Variants in ERG observed in about 807,000 individuals in gnomAD.
The protein encoded by ERG is transcriptional regulator ERG.
A neutral mutation model predicts 55.3 loss-of-function variants in ERG; 9 were observed. That is an observed-to-expected ratio of 0.16 (90% CI 0.10 to 0.28). The LOEUF (loss-of-function observed/expected upper bound fraction) is 0.28, where lower values mean the gene tolerates loss of function less well. Ranked by LOEUF, ERG falls within the 10% of genes least tolerant of loss-of-function variation. The probability of loss-of-function intolerance (pLI) is 1.00; values close to 1 mark genes in which losing one functional copy is unlikely to be tolerated. For missense variants in ERG, 434 were observed against 631.6 expected (o/e 0.69, Z 3.35); for synonymous variants, 223 against 237.3 (o/e 0.94, Z 0.55).
At chr21:38,582,459 G>C (rs1380361334) in intron 1 of ERG, among the ~76,000 whole-genome samples, 2 of 150,722 alleles carry the variant, frequency 1.3e-5, no homozygotes, top group South Asian at 2.1e-4. Flanking sequence ...TGGGAAACAT[G>C]AATAAAAAAT....
chr21:38,533,267 C>A (rs2059685489), intron 2 of ERG, among the ~76,000 whole-genome samples: 1 of 151,940 alleles, frequency 6.6e-6, no homozygotes, highest in African/African-American at 2.4e-5. Flanking sequence ...TTCCAGAAGG[C>A]ATCTCAGTCA....
chr21:38,568,611 T>C (rs192745328), intron 2 of ERG, among the ~76,000 whole-genome samples: 1 of 152,310 alleles, frequency 6.6e-6, no homozygotes, highest in African/African-American at 2.4e-5. Context: ...CTTCCCCACA[T>C]GTGAACAGCA....
intron 2 of ERG, among the ~76,000 whole-genome samples, chr21:38,552,157 C>T (rs2059828391): frequency 6.6e-6 from 1 of 151,928 alleles, no homozygotes; most frequent in South Asian, 2.1e-4. Flanking sequence ...GCTGAACAGA[C>T]CAATAACGAA....
At chr21:38,625,107 A>G (rs1014604659) in intron 1 of ERG, among the ~76,000 whole-genome samples, 1 of 152,168 alleles carries the variant, frequency 6.6e-6, no homozygotes, top group Non-Finnish European at 1.5e-5. Context: ...TCATCCTTTG[A>G]GAATTTTTTT....
intron 1 of ERG, among the ~76,000 whole-genome samples, chr21:38,592,697 G>T (rs1164553786): frequency 1.3e-5 from 2 of 151,900 alleles, no homozygotes; most frequent in Non-Finnish European, 2.9e-5. Context: ...ATTCCCTAAA[G>T]GGTCCCCTTT....
upstream of ERG, among the ~76,000 whole-genome samples, chr21:38,499,986 C>T (rs901748183): frequency 1.3e-5 from 2 of 152,094 alleles, no homozygotes; most frequent in Non-Finnish European, 2.9e-5. Context: ...TGTTGATTTC[C>T]GCTCTTTTCA....
At chr21:38,611,616 T>C (rs2060227968) in intron 1 of ERG, among the ~76,000 whole-genome samples, 1 of 152,188 alleles carries the variant, frequency 6.6e-6, no homozygotes. Context: ...TCCATGACTG[T>C]CACTCTATAA....
chr21:38,559,429 T>G (rs111687812), intron 2 of ERG, among the ~76,000 whole-genome samples: 11 of 134,498 alleles, frequency 8.2e-5, no homozygotes, highest in African/African-American at 3.3e-4. Context: ...CAGGCAGAAT[T>G]AAAGACCAAC....
intron 1 of ERG, among the ~76,000 whole-genome samples, chr21:38,480,549 T>C (rs1041796): frequency 0.12 from 17,853 of 149,604 alleles, 1,221 homozygotes; most frequent in East Asian, 0.26. Context: ...TTGTGGATGC[T>C]GTTTTTAACA....
chr21:38,413,771 ATCATG>A (rs1989160937), intron 3 of ERG, among the ~76,000 whole-genome samples: 1 of 151,908 alleles, frequency 6.6e-6, no homozygotes, highest in Non-Finnish European at 1.5e-5. Context: ...GTGTGTGCTC[ATCATG>A]TTTTAGAAAT....
chr21:38,654,411 G>T (rs1258121021), intron 1 of ERG, among the ~76,000 whole-genome samples: 1 of 152,246 alleles, frequency 6.6e-6, no homozygotes, highest in Non-Finnish European at 1.5e-5. Flanking sequence ...GGTGGAGGCT[G>T]CAGTGAGCCA....
chr21:38,378,998 G>T (rs1054944414), downstream of ERG, among the ~76,000 whole-genome samples: 2 of 152,154 alleles, frequency 1.3e-5, no homozygotes, highest in Non-Finnish European at 2.9e-5. Flanking sequence ...CCTAGTCATG[G>T]CTCATTAAAA....
intron 1 of ERG, among the ~76,000 whole-genome samples, chr21:38,447,396 CAGGT>C (rs2058901900): frequency 1.3e-5 from 2 of 151,138 alleles, no homozygotes; most frequent in African/African-American, 2.4e-5. Context: ...ACCAAAGAGT[CAGGT>C]AGGCCAGACA....
At chr21:38,372,471 TA>T in the ERG span, among the ~76,000 whole-genome samples, 8 of 151,948 alleles carry the variant, frequency 5.3e-5, no homozygotes, top group Non-Finnish European at 1.0e-4. Flanking sequence ...TCAATATAAA[TA>T]TTTAGGACTA....
chr21:38,504,327 G>A (rs1205517328), intron 2 of ERG, among the ~76,000 whole-genome samples: 4 of 152,080 alleles, frequency 2.6e-5, no homozygotes, highest in Admixed American at 2.0e-4. Flanking sequence ...CATCCCACAC[G>A]TTCTCAAGTT....
chr21:38,432,242 G>A (rs562898678), intron 2 of ERG, among the ~76,000 whole-genome samples: 4 of 152,116 alleles, frequency 2.6e-5, no homozygotes, highest in Non-Finnish European at 1.5e-5. Context: ...CTACAGGCAC[G>A]TGCCACCACA....
At chr21:38,565,015 C>T (rs1014855064) in intron 2 of ERG, among the ~76,000 whole-genome samples, 1 of 152,210 alleles carries the variant, frequency 6.6e-6, no homozygotes, top group Non-Finnish European at 1.5e-5. Flanking sequence ...CTTTTGACTT[C>T]CTGCTCATTG....
intron 1 of ERG, among the ~76,000 whole-genome samples, chr21:38,486,953 T>A (rs1162848204): frequency 1.3e-5 from 2 of 152,148 alleles, no homozygotes; most frequent in African/African-American, 4.8e-5. Context: ...GGAGTTATTA[T>A]CATGACTGAC....
At chr21:38,492,646 C>T (rs2059346353) in intron 1 of ERG, among the ~76,000 whole-genome samples, 1 of 152,140 alleles carries the variant, frequency 6.6e-6, no homozygotes, top group Non-Finnish European at 1.5e-5. Context: ...TATTCACACT[C>T]AACAACAAAC....
Sources: allele counts gnomAD v4.1 joint callset (sites outside exome capture counted in the v4.1 genomes callset), GRCh38; gene constraint gnomAD v4.1.1; transcripts MANE v1.5; gene names NCBI Gene and HGNC (gene_info 2026-07-23, HGNC 2026-07-21).